The following PCBP3 variants were observed in gnomAD, a reference collection of about 807,000 sequenced individuals.
PCBP3 encodes the protein poly(rC) binding protein 3.
A neutral mutation model predicts 52.7 loss-of-function variants in PCBP3; 25 were observed. The observed-to-expected ratio is 0.47, with a 90% confidence interval of 0.35 to 0.66. The LOEUF (loss-of-function observed/expected upper bound fraction) is 0.66, where lower values mean the gene tolerates loss of function less well. Ranked by LOEUF, PCBP3 falls within the 30% of genes least tolerant of loss-of-function variation. The pLI, the probability that PCBP3 is intolerant of heterozygous loss-of-function variation, is 0.01. For synonymous variants in PCBP3, 162 were observed against 183.0 expected (o/e 0.89, Z 0.93); for missense variants, 391 against 490.3 (o/e 0.80, Z 1.91).
intron 11 of PCBP3, among the ~76,000 whole-genome samples, chr21:45,912,480 A>C (rs990871528): frequency 9.2e-5 from 14 of 152,040 alleles, no homozygotes; most frequent in African/African-American, 3.1e-4. Context: ...GGCATGCCTC[A>C]CCTCACACCC....
rs189360628 is a variant in PCBP3 at position 45,813,724 on chromosome 21, G to A, written c.-125-36237G>A. 1.2e-4 allele frequency among the ~76,000 whole-genome samples: 18 copies of A among 152,338 alleles called. No homozygotes were observed. The East Asian group carries it at 2.1e-3, about 18-fold the overall frequency. ...CTCCCAAAGTGCTGGTATTGCAAGC[G>A]TGAGCCACCACACCCAGCCTTCCTT... On this transcript the variant is annotated intron_variant, in intron 4 of 17. Coordinates refer to ENST00000681687, the MANE Select transcript of PCBP3 (RefSeq NM_001384156.1).
rs1010278271 is a variant in PCBP3, at chr21:45,853,767, A to G, written c.10+3672A>G. 6.6e-6 allele frequency among the ~76,000 whole-genome samples: 1 copy of G among 152,228 alleles called. No homozygotes were observed. Among genetic ancestry groups the G allele is most frequent in the Non-Finnish European group, 1.5e-5 (1 of 68,032 alleles). On this transcript the variant is annotated intron_variant, in intron 5 of 17. Transcript: ENST00000681687. This position sits in a 1 kb window ranked among gnomAD's most constrained non-coding sequence, Gnocchi z 4.6. The stretch of plus-strand genomic sequence containing the variant: ...AGTACAGACGCGTGCATAGGAAATT[A>G]AATACACACATACTTTGCAAGAGCA...
At chr21:45,822,545 G>A (rs200556213) in intron 4 of PCBP3, among the ~76,000 whole-genome samples, 1 of 152,060 alleles carries the variant, frequency 6.6e-6, no homozygotes, top group East Asian at 1.9e-4. Context: ...ACAGGGTTAG[G>A]AGAGCAAGGG....
At chr21:45,801,190 G>A (rs1318440760) in intron 4 of PCBP3, among the ~76,000 whole-genome samples, 1 of 152,224 alleles carries the variant, frequency 6.6e-6, no homozygotes, top group African/African-American at 2.4e-5. Flanking sequence ...CCACTTCCCT[G>A]TGTGGATGGG....
chr21:45,863,865 G>T (rs1303251969), intron 5 of PCBP3, among the ~76,000 whole-genome samples: 2 of 152,158 alleles, frequency 1.3e-5, no homozygotes, highest in African/African-American at 4.8e-5. Context: ...TTTGTGCTTG[G>T]TTGACTGTCG....
At chr21:45,887,314 G>A (rs2095546546) in intron 5 of PCBP3, among the ~76,000 whole-genome samples, 1 of 152,256 alleles carries the variant, frequency 6.6e-6, no homozygotes, top group African/African-American at 2.4e-5. Context: ...CCCAGAAGCA[G>A]CAGCCTTGCC....
At chr21:45,798,190 G>GT in intron 4 of PCBP3, among the ~76,000 whole-genome samples, 1 of 151,124 alleles carries the variant, frequency 6.6e-6, no homozygotes. Flanking sequence ...GTGAATGCAT[G>GT]GATGGATGAA....
At chr21:45,715,458 C>T (rs1163866864) in intron 2 of PCBP3, among the ~76,000 whole-genome samples, 1 of 152,174 alleles carries the variant, frequency 6.6e-6, no homozygotes, top group East Asian at 1.9e-4. Context: ...AGTATTATCA[C>T]TAATTTCAGA....
At chr21:45,884,120 G>A (rs2095464481) in intron 5 of PCBP3, among the ~76,000 whole-genome samples, 1 of 152,098 alleles carries the variant, frequency 6.6e-6, no homozygotes, top group Admixed American at 6.5e-5. Flanking sequence ...ATATTTTGTA[G>A]AGACTAGGTA....
intron 4 of PCBP3, among the ~76,000 whole-genome samples, chr21:45,844,585 G>A (rs1048153613): frequency 1.3e-5 from 2 of 152,110 alleles, no homozygotes; most frequent in African/African-American, 4.8e-5. Context: ...ACTGTGTGTT[G>A]GTGCTCCCTG....
rs200049034 is a variant in PCBP3 at position 45,789,611 on chromosome 21, G to A, written c.-126+34159G>A. On this transcript the variant is annotated intron_variant, in intron 4 of 17. Coordinates refer to ENST00000681687, the MANE Select transcript of PCBP3 (RefSeq NM_001384156.1). ...AAGGCTTTAAGGTGGAGGACAACCCGGGGCCAGTGTGGCCGGAGCAGAGCG... is the reference window on the plus strand; with the variant it reads ...AAGGCTTTAAGGTGGAGGACAACCCAGGGCCAGTGTGGCCGGAGCAGAGCG... Among the ~76,000 whole-genome samples the A allele has an allele frequency of 3.3e-4, 50 of 152,304 alleles. No individual in the cohort carries two copies. In the East Asian group the frequency reaches 6.0e-3, roughly 18 times the overall value.
In PCBP3 at chr21:45,714,923, A is replaced by G. The variant is rs192401726; in HGVS notation, c.-199-20469A>G. Among the ~76,000 whole-genome samples, 223 of 152,324 alleles carry G rather than the reference A, an allele frequency of 1.5e-3. 1 individual carries two copies. The highest frequency in any genetic ancestry group is 2.6e-3 in the Non-Finnish European group (179 of 68,022). ...GCTCTAGAAGAACTAGTGGATGCCC[A>G]TGGATATGGGCCTATGGTGTTTGTA... On this transcript the variant is annotated intron_variant, in intron 2 of 17. Coordinates refer to ENST00000681687, the MANE Select transcript of PCBP3 (RefSeq NM_001384156.1).
At chr21:45,806,358 G>A (rs772136456) in intron 4 of PCBP3, among the ~76,000 whole-genome samples, 1 of 151,352 alleles carries the variant, frequency 6.6e-6, no homozygotes, top group Non-Finnish European at 1.5e-5. Context: ...GCCAGGAGAC[G>A]TGTTCTTCCT....
At chr21:45,869,146 A>T (rs2094890884) in intron 5 of PCBP3, 1 of 152,244 alleles carries the variant, frequency 6.6e-6, no homozygotes, top group South Asian at 2.1e-4. Flanking sequence ...AATAAAAACA[A>T]ACCAAACCCA....
chr21:45,731,957 T>A (rs1002072629), intron 2 of PCBP3, among the ~76,000 whole-genome samples: 2 of 152,168 alleles, frequency 1.3e-5, no homozygotes, highest in African/African-American at 4.8e-5. Flanking sequence ...ATTTTACATA[T>A]TTTCTGTTTC....
intron 4 of PCBP3, among the ~76,000 whole-genome samples, chr21:45,773,705 T>G (rs1312440243): frequency 1.3e-5 from 2 of 152,236 alleles, no homozygotes; most frequent in Non-Finnish European, 2.9e-5. Context: ...TGCTCAGGAT[T>G]GCTTTAGCTA....
chr21:45,710,703 G>T (rs1448984727), intron 2 of PCBP3, among the ~76,000 whole-genome samples: 1 of 152,126 alleles, frequency 6.6e-6, no homozygotes, highest in Non-Finnish European at 1.5e-5. Context: ...AAGTCATCTT[G>T]TGTAGTGCAC....
chr21:45,824,721 G>A lies in PCBP3; in HGVS notation c.-125-25240G>A, dbSNP rs141187392. 5.2e-4 allele frequency among the ~76,000 whole-genome samples: 79 copies of A among 152,282 alleles called. No homozygotes were observed. The East Asian group carries it at 6.6e-3, about 13-fold the overall frequency. ...TTCTGAGGGTGTTGGTAGCAGTAACGGTTCCACATGATGAAACCCAGATGG... is the reference window on the plus strand; with the variant it reads ...TTCTGAGGGTGTTGGTAGCAGTAACAGTTCCACATGATGAAACCCAGATGG... On this transcript the variant is annotated intron_variant, in intron 4 of 17. Transcript: ENST00000681687.
At chr21:45,693,010 C>G (rs2082572441) in intron 2 of PCBP3, among the ~76,000 whole-genome samples, 1 of 152,072 alleles carries the variant, frequency 6.6e-6, no homozygotes, top group Non-Finnish European at 1.5e-5. Flanking sequence ...TGTAATTCAC[C>G]ATATTAACAA....
Sources: gnomAD v4.1 joint callset for allele counts (sites outside exome capture counted in the v4.1 genomes callset) on GRCh38, gnomAD v4.1.1 for gene constraint, Gnocchi (gnomAD v3.1) non-coding constraint, MANE v1.5 for transcripts, NCBI Gene and HGNC (gene_info 2026-07-23, HGNC 2026-07-21) for gene names.